Variants in PDIA5 observed in about 807,000 individuals in gnomAD.
PDIA5 encodes protein disulfide isomerase family A member 5, also known as protein disulfide-isomerase A5.
A neutral mutation model predicts 77.6 loss-of-function variants in PDIA5; 58 were observed. The observed-to-expected ratio is 0.75, with a 90% CI of 0.61 to 0.93. PDIA5 has a LOEUF of 0.93. PDIA5 is among the 40% of genes least tolerant of loss of function. PDIA5 has a pLI of 0.00. For missense variants in PDIA5, 630 were observed against 647.7 expected (o/e 0.97, Z 0.30); for synonymous variants, 250 against 252.1 (o/e 0.99, Z 0.08).
At chr3:123,140,372 A>G (rs1935598547) in intron 11 of PDIA5, among the ~76,000 whole-genome samples, 1 of 148,554 alleles carries the variant, frequency 6.7e-6, no homozygotes, top group Admixed American at 6.6e-5. Context: ...GATCTGATTG[A>G]TGTTTTGAAA....
intron 15 of PDIA5, among the ~76,000 whole-genome samples, chr3:123,155,947 C>T (rs1282693028): frequency 3.3e-5 from 5 of 151,940 alleles, no homozygotes; most frequent in Admixed American, 6.6e-5. Flanking sequence ...CAGGCCTAGA[C>T]GGAAGTTCAG....
intron 5 of PDIA5, among the ~76,000 whole-genome samples, chr3:123,106,103 C>G (rs535621028): frequency 6.6e-6 from 1 of 152,300 alleles, no homozygotes; most frequent in African/African-American, 2.4e-5. Context: ...AAGAGGGGCC[C>G]CAGCATGAGA....
intron 14 of PDIA5, among the ~76,000 whole-genome samples, chr3:123,152,095 T>G (rs1185302460): frequency 1.2e-3 from 47 of 39,196 alleles, no homozygotes; most frequent in African/African-American, 5.2e-3. Flanking sequence ...CTTCCTGCCT[T>G]CCTGCCTTCC....
intron 3 of PDIA5, among the ~76,000 whole-genome samples, chr3:123,095,171 G>A (rs1934400205): frequency 1.3e-5 from 2 of 152,200 alleles, no homozygotes; most frequent in African/African-American, 4.8e-5. Flanking sequence ...ACAGCGATAT[G>A]CGTTCTGCCT....
At chr3:123,113,381 C>A (rs1934912645) in intron 7 of PDIA5, among the ~76,000 whole-genome samples, 1 of 152,158 alleles carries the variant, frequency 6.6e-6, no homozygotes, top group Admixed American at 6.5e-5. Context: ...TGTGCCCATC[C>A]CATCCTTCAC....
chr3:123,076,398 A>G (rs1190444425), intron 1 of PDIA5, among the ~76,000 whole-genome samples: 3 of 152,190 alleles, frequency 2.0e-5, no homozygotes, highest in Non-Finnish European at 2.9e-5. Flanking sequence ...GAACAGTTAT[A>G]CATTTTACAG....
At chr3:123,154,866 A>G (rs961887166) in intron 14 of PDIA5, 105 bp from the exon 15 acceptor site, 4 of 759,590 alleles carry the variant, frequency 5.3e-6, no homozygotes, top group Admixed American at 3.6e-5. Flanking sequence ...GGCAGTGGGG[A>G]GCTCCTGGAG....
chr3:123,154,745 A>G (rs1306960176), intron 14 of PDIA5, among the ~76,000 whole-genome samples: 1 of 152,206 alleles, frequency 6.6e-6, no homozygotes, highest in African/African-American at 2.4e-5. Flanking sequence ...GGGCAGGAGC[A>G]TATGATGCTT....
chr3:123,145,510 C>G lies in PDIA5; in HGVS notation c.911-12C>G. 6.2e-7 allele frequency: 1 copy of G among 1,612,032 alleles called. No homozygotes were observed. The highest frequency in any genetic ancestry group is 8.5e-7 in the Non-Finnish European group (1 of 1,178,102). On this transcript the variant is annotated splice_polypyrimidine_tract_variant and intron_variant, in intron 11 of 16. Transcript: ENST00000316218. Reference sequence around the variant, plus strand: ...TGCCATAAGAATGGTTTCTCTTGATCTCTCCCCACAGGGTGTGGCCACTGT... The same window carrying G: ...TGCCATAAGAATGGTTTCTCTTGATGTCTCCCCACAGGGTGTGGCCACTGT...
chr3:123,094,352 A>G (rs1934378778), intron 3 of PDIA5, among the ~76,000 whole-genome samples: 1 of 152,246 alleles, frequency 6.6e-6, no homozygotes, highest in Non-Finnish European at 1.5e-5. Flanking sequence ...GTTTGAAATT[A>G]GAGTCAGGGT....
intron 3 of PDIA5, 91 bp downstream of exon 3, chr3:123,092,533 A>G (rs549979865): frequency 2.0e-4 from 186 of 931,308 alleles, no homozygotes; most frequent in Middle Eastern, 5.6e-4. Context: ...CTCTTGATTA[A>G]TAATCTGGGA....
rs547944864 is a variant in PDIA5 at position 123,093,493 on chromosome 3, A to G, written c.257+1051A>G. Among the ~76,000 whole-genome samples, 22 of 152,346 alleles carry G rather than the reference A, an allele frequency of 1.4e-4. No homozygotes were observed. The East Asian group carries it at 4.2e-3, about 29-fold the overall frequency. ...TGGAATTTCCATATCTGAAGATGAC[A>G]GCAGTTCTGCCAAGCTGATGGAGGC... On this transcript the variant is annotated intron_variant, in intron 3 of 16. Transcript: ENST00000316218.
intron 15 of PDIA5, among the ~76,000 whole-genome samples, chr3:123,157,854 A>C (rs116127337): frequency 0.02 from 3,031 of 152,208 alleles, 107 homozygotes; most frequent in African/African-American, 0.067. Context: ...GGCAGACAGG[A>C]CCTGTGGTGG....
intron 1 of PDIA5, among the ~76,000 whole-genome samples, chr3:123,087,761 A>G (rs1303168052): frequency 6.6e-6 from 1 of 152,198 alleles, no homozygotes. Context: ...GCACTAGCAC[A>G]TTGACTGGCA....
chr3:123,130,763 G>A (rs762025724), intron 11 of PDIA5, 147 bp downstream of exon 11: 25 of 836,558 alleles, frequency 3.0e-5, no homozygotes, highest in African/African-American at 6.7e-5. Context: ...GGTGACAGGC[G>A]AGGTCCCCAC....
chr3:123,082,989 G>A (rs956768127), intron 1 of PDIA5, among the ~76,000 whole-genome samples: 5 of 152,136 alleles, frequency 3.3e-5, no homozygotes, highest in Non-Finnish European at 7.4e-5. Flanking sequence ...TAAGTGGGAT[G>A]GTGGTTTGTC....
chr3:123,086,790 G>A (rs1203264777), intron 1 of PDIA5, among the ~76,000 whole-genome samples: 1 of 152,098 alleles, frequency 6.6e-6, no homozygotes, highest in Non-Finnish European at 1.5e-5. Flanking sequence ...TGTTGTAGTG[G>A]AAGACGGGTC....
intron 2 of PDIA5, among the ~76,000 whole-genome samples, chr3:123,090,709 G>T (rs1459494496): frequency 6.6e-6 from 1 of 152,168 alleles, no homozygotes; most frequent in East Asian, 1.9e-4. Context: ...ATTATGGGAA[G>T]TTAGAGAGTG....
At chr3:123,110,175 A>G (rs550382201) in intron 6 of PDIA5, among the ~76,000 whole-genome samples, 2 of 152,278 alleles carry the variant, frequency 1.3e-5, no homozygotes, top group African/African-American at 4.8e-5. Context: ...TACCCTGTTC[A>G]CACACTCAAG....
Sources: allele counts gnomAD v4.1 joint callset (sites outside exome capture counted in the v4.1 genomes callset), GRCh38; gene constraint gnomAD v4.1.1; transcripts MANE v1.5; gene names NCBI Gene and HGNC (gene_info 2026-07-23, HGNC 2026-07-21).